PARD3: variants seen among roughly 807,000 people sequenced by gnomAD.
PARD3 encodes par-3 family cell polarity regulator.
A neutral mutation model predicts 155.4 loss-of-function variants in PARD3; 75 were observed. The observed-to-expected ratio is 0.48, with a 90% CI of 0.40 to 0.58. PARD3 has a LOEUF of 0.58. Ranked by LOEUF, PARD3 falls within the 20% of genes least tolerant of loss-of-function variation. The probability of loss-of-function intolerance (pLI) is 0.00; values close to 1 mark genes in which losing one functional copy is unlikely to be tolerated. For synonymous variants in PARD3, 576 were observed against 610.5 expected (o/e 0.94, Z 0.83); for missense variants, 1,642 against 1,721.7 (o/e 0.95, Z 0.82).
intron 24 of PARD3, among the ~76,000 whole-genome samples, chr10:34,114,082 C>T (rs755779891): frequency 7.2e-5 from 11 of 151,938 alleles, no homozygotes; most frequent in Non-Finnish European, 1.3e-4. Context: ...CATAGTGAGA[C>T]CCCATCTCTA....
chr10:34,685,680 G>A (rs569229018), intron 2 of PARD3, among the ~76,000 whole-genome samples: 10 of 149,706 alleles, frequency 6.7e-5, no homozygotes, highest in Admixed American at 4.7e-4. Flanking sequence ...TACAACCTCC[G>A]CCTCCTGGCC....
intron 2 of PARD3, among the ~76,000 whole-genome samples, chr10:34,620,349 G>A (rs761595656): frequency 2.0e-5 from 3 of 152,196 alleles, no homozygotes; most frequent in Non-Finnish European, 4.4e-5. Flanking sequence ...TGGAAACCAA[G>A]AGGTTTTTTG....
In PARD3 at chr10:34,189,824, T is replaced by G. The variant is rs150207151; in HGVS notation, c.3420-58241A>C. Among the ~76,000 whole-genome samples, 1,157 of 148,628 alleles carry G rather than the reference T, an allele frequency of 7.8e-3. 17 individuals are homozygous for G. The highest frequency in any genetic ancestry group is 0.027 in the African/African-American group (1,090 of 40,428). On this transcript the variant is annotated intron_variant, in intron 22 of 24. Transcript: ENST00000374788. Reference sequence around the variant, plus strand: ...GCCATTTTCTTGAAAATGAGCAAAATGAGCCTATCCCTTTGAGGAAAACCA... The same window carrying G: ...GCCATTTTCTTGAAAATGAGCAAAAGGAGCCTATCCCTTTGAGGAAAACCA...
chr10:34,366,132 T>G (rs1273799808), intron 12 of PARD3, among the ~76,000 whole-genome samples: 1 of 152,160 alleles, frequency 6.6e-6, no homozygotes, highest in Non-Finnish European at 1.5e-5. Flanking sequence ...GAGGAGAAAT[T>G]GATAGAGGGT....
In PARD3 at chr10:34,155,485, A is replaced by G. The variant is rs141709702; in HGVS notation, c.3420-23902T>C. ...TTGGAAAATGTAGAACCCTAAGCTT[A>G]CATGAAGGGATAAACGGCTACGTGT... On this transcript the variant is annotated intron_variant, in intron 22 of 24. Coordinates refer to ENST00000374788, the MANE Select transcript of PARD3 (RefSeq NM_001184785.2). Among the ~76,000 whole-genome samples the G allele has an allele frequency of 1.7e-4, 26 of 152,306 alleles. No individual in the cohort carries two copies. In the East Asian group the frequency reaches 4.2e-3, roughly 25 times the overall value.
At chr10:34,548,427 CA>C (rs2084279483) in intron 2 of PARD3, among the ~76,000 whole-genome samples, 2 of 152,048 alleles carry the variant, frequency 1.3e-5, no homozygotes, top group Admixed American at 6.6e-5. Context: ...TGAACCCAGG[CA>C]GCAGAGGTTG....
intron 2 of PARD3, among the ~76,000 whole-genome samples, chr10:34,605,643 A>ATATATATATATCTCC (rs1450264483): frequency 1.3e-4 from 7 of 54,700 alleles, no homozygotes; most frequent in Non-Finnish European, 2.1e-4. Flanking sequence ...TATATCTCCT[A>ATATATATATATCTCC]TATATATATA....
intron 18 of PARD3, among the ~76,000 whole-genome samples, chr10:34,335,886 T>G (rs914348459): frequency 6.6e-6 from 1 of 152,022 alleles, no homozygotes; most frequent in African/African-American, 2.4e-5. Context: ...CCATAACAGA[T>G]CACGTTTGCA....
intron 12 of PARD3, among the ~76,000 whole-genome samples, chr10:34,364,728 C>A (rs1371001708): frequency 6.6e-6 from 1 of 152,056 alleles, no homozygotes; most frequent in East Asian, 1.9e-4. Context: ...GCCACCATGC[C>A]CAGCTGAGTT....
intron 22 of PARD3, among the ~76,000 whole-genome samples, chr10:34,259,291 T>A (rs1042818309): frequency 7.3e-6 from 1 of 136,630 alleles, no homozygotes; most frequent in Non-Finnish European, 1.6e-5. Context: ...ATTATAGTTC[T>A]GGGGGTCAGA....
intron 1 of PARD3, among the ~76,000 whole-genome samples, chr10:34,743,265 T>C (rs1161753144): frequency 6.6e-6 from 1 of 152,220 alleles, no homozygotes; most frequent in African/African-American, 2.4e-5. Context: ...GGTGACTGGT[T>C]TCCTAAGGAA....
intron 3 of PARD3, among the ~76,000 whole-genome samples, chr10:34,487,545 CA>C (rs761649208): frequency 1.3e-5 from 2 of 148,956 alleles, no homozygotes; most frequent in Admixed American, 6.6e-5. Flanking sequence ...CCCCAGAGAA[CA>C]AAAAAAAGGG....
chr10:34,186,218 G>A (rs190129336), intron 22 of PARD3, among the ~76,000 whole-genome samples: 24 of 152,210 alleles, frequency 1.6e-4, no homozygotes, highest in Non-Finnish European at 2.1e-4. Flanking sequence ...CCTAAAGCCG[G>A]ACGGGGTAGC....
chr10:34,119,498 G>T, intron 24 of PARD3, 115 bp downstream of exon 24: 2 of 1,064,962 alleles, frequency 1.9e-6, no homozygotes, highest in Non-Finnish European at 2.6e-6. Flanking sequence ...TTCCTCTGTT[G>T]CTACCAGGGG....
intron 1 of PARD3, among the ~76,000 whole-genome samples, chr10:34,757,273 T>A (rs1590972909): frequency 6.6e-6 from 1 of 152,180 alleles, no homozygotes; most frequent in Non-Finnish European, 1.5e-5. Flanking sequence ...AATAAAAAAT[T>A]TAAGTTCTTA....
At chr10:34,201,144 T>C (rs1951191194) in intron 22 of PARD3, among the ~76,000 whole-genome samples, 1 of 152,184 alleles carries the variant, frequency 6.6e-6, no homozygotes, top group Non-Finnish European at 1.5e-5. Context: ...CCATGTACTA[T>C]GGGCCACTCT....
At chr10:34,144,443 G>A (rs986155926) in intron 22 of PARD3, among the ~76,000 whole-genome samples, 1 of 152,136 alleles carries the variant, frequency 6.6e-6, no homozygotes, top group African/African-American at 2.4e-5. Context: ...ACTCTTGCTA[G>A]TGATGGTTTC....
intron 2 of PARD3, among the ~76,000 whole-genome samples, chr10:34,623,767 G>T (rs995228017): frequency 5.6e-4 from 84 of 150,020 alleles, no homozygotes; most frequent in African/African-American, 2.0e-3. Flanking sequence ...GGATCACGAG[G>T]TCAGGAGATC....
At chr10:34,379,688 T>G (rs748630322) in intron 9 of PARD3, among the ~76,000 whole-genome samples, 1 of 152,084 alleles carries the variant, frequency 6.6e-6, no homozygotes, top group African/African-American at 2.4e-5. Flanking sequence ...GAAAGATAAG[T>G]AGATATCAAT....
Sources: gnomAD v4.1 joint callset for allele counts (sites outside exome capture counted in the v4.1 genomes callset) on GRCh38, gnomAD v4.1.1 for gene constraint, MANE v1.5 for transcripts, NCBI Gene and HGNC (gene_info 2026-07-23, HGNC 2026-07-21) for gene names.